IRAK2: variants seen among roughly 807,000 people sequenced by gnomAD.
IRAK2 encodes interleukin-1 receptor-associated kinase-like 2.
IRAK2 carries 57 observed loss-of-function variants against 72.0 expected under a neutral mutation model. The observed-to-expected ratio is 0.79, with a 90% CI of 0.64 to 0.99. The LOEUF (loss-of-function observed/expected upper bound fraction) is 0.99, where lower values mean the gene tolerates loss of function less well. Ranked by LOEUF, IRAK2 falls within the 50% of genes least tolerant of loss-of-function variation. The pLI, the probability that IRAK2 is intolerant of heterozygous loss-of-function variation, is 0.00. For synonymous variants in IRAK2, 293 were observed against 312.7 expected (o/e 0.94, Z 0.67); for missense variants, 790 against 794.4 (o/e 0.99, Z 0.07).
At chr3:10,211,200 C>A (rs1346545916) in intron 4 of IRAK2, among the ~76,000 whole-genome samples, 1 of 151,348 alleles carries the variant, frequency 6.6e-6, no homozygotes, top group Non-Finnish European at 1.5e-5. Context: ...CTCTGTTGCC[C>A]AGGCTGTCTC....
In IRAK2 at chr3:10,221,522, G is replaced by A. The variant is rs542394938; in HGVS notation, c.1014-1114G>A. Among the ~76,000 whole-genome samples, 28 of 151,300 alleles carry A rather than the reference G, an allele frequency of 1.9e-4. No individual in the cohort carries two copies. In the South Asian group the frequency reaches 4.6e-3, roughly 25 times the overall value. ...CCCACCTTGGCCTCCCAAAGTGCTG[G>A]GATTACAGGTGTGAGCCACCGCGCC... is the stretch of plus-strand genomic sequence containing the variant. On this transcript the variant is annotated intron_variant, in intron 8 of 12. Transcript: ENST00000256458.
intron 2 of IRAK2, among the ~76,000 whole-genome samples, chr3:10,185,948 G>A (rs1207904569): frequency 6.6e-6 from 1 of 151,524 alleles, no homozygotes; most frequent in Non-Finnish European, 1.5e-5. Flanking sequence ...CAGCTACTCG[G>A]GAGGCTGAGG....
chr3:10,205,614 C>G lies in IRAK2; in HGVS notation c.425-3975C>G, dbSNP rs548517893. Among the ~76,000 whole-genome samples, 27 of 152,312 alleles carry G rather than the reference C, an allele frequency of 1.8e-4. No individual in the cohort carries two copies. In the South Asian group the frequency reaches 4.3e-3, roughly 25 times the overall value. ...CCTGCCCTGTGGCCAGGCCTGGCAG[C>G]AGGATGGAACTCAAGTTAGTCTGGA... On this transcript the variant is annotated intron_variant, in intron 3 of 12. Coordinates refer to ENST00000256458, the MANE Select transcript of IRAK2 (RefSeq NM_001570.4).
At chr3:10,219,942 TTC>T (rs1367720891) in intron 8 of IRAK2, among the ~76,000 whole-genome samples, 153 bp downstream of exon 8, 1 of 152,192 alleles carries the variant, frequency 6.6e-6, no homozygotes, top group Non-Finnish European at 1.5e-5. Flanking sequence ...GGATGTCTTT[TTC>T]TCTGTTATGC....
At chr3:10,221,434 T>C (rs1697690705) in intron 8 of IRAK2, among the ~76,000 whole-genome samples, 1 of 150,690 alleles carries the variant, frequency 6.6e-6, no homozygotes, top group African/African-American at 2.4e-5. Context: ...TTTGTATTTT[T>C]AGTAGAGATA....
chr3:10,177,822 T>C lies in IRAK2; in HGVS notation c.95-16T>C. ...GCCTCTCTGACTCTAAGCAGAGTTC[T>C]CTCCGTCCCTTCCAGCCTCCTACGT... On this transcript the variant is annotated splice_polypyrimidine_tract_variant and intron_variant, in intron 1 of 12. Transcript: ENST00000256458. 6.2e-7 allele frequency: 1 copy of C among 1,609,408 alleles called. No individual in the cohort carries two copies. The highest frequency in any genetic ancestry group is 8.5e-7 in the Non-Finnish European group (1 of 1,179,572).
chr3:10,230,492 ACAGGTTT>A, intron 10 of IRAK2, among the ~76,000 whole-genome samples: 1 of 152,068 alleles, frequency 6.6e-6, no homozygotes, highest in Non-Finnish European at 1.5e-5. Flanking sequence ...CTGGCATCTG[ACAGGTTT>A]ATTGAAGGTT....
At chr3:10,209,547 C>A in intron 3 of IRAK2, 42 bp from the exon 4 acceptor site, 15 of 1,325,334 alleles carry the variant, frequency 1.1e-5, no homozygotes, top group Non-Finnish European at 1.6e-5. Context: ...TCCTGTCTTC[C>A]TCCCCGAGGC....
chr3:10,175,421 C>T (rs1341825215), intron 1 of IRAK2, among the ~76,000 whole-genome samples: 6 of 152,094 alleles, frequency 3.9e-5, no homozygotes, highest in Admixed American at 2.0e-4. Flanking sequence ...GCCACTGTGC[C>T]CAGTCCCTGT....
At chr3:10,221,455 G>A (rs912767536) in intron 8 of IRAK2, among the ~76,000 whole-genome samples, 1 of 150,948 alleles carries the variant, frequency 6.6e-6, no homozygotes, top group African/African-American at 2.4e-5. Context: ...GGGTTTCACT[G>A]TGTTAGCCAT....
chr3:10,211,442 C>CTT (rs1697519862), intron 4 of IRAK2, among the ~76,000 whole-genome samples: 2 of 5,584 alleles, frequency 3.6e-4, no homozygotes, highest in African/African-American at 1.7e-3. Context: ...CTGTGCCTGG[C>CTT]CTCGCCAAAA....
chr3:10,216,133 G>A (rs773192586), intron 6 of IRAK2, among the ~76,000 whole-genome samples: 1 of 152,354 alleles, frequency 6.6e-6, no homozygotes, highest in Non-Finnish European at 1.5e-5. Flanking sequence ...AGTGACCCAA[G>A]GCAGAGGAGA....
rs781386898 is a variant in IRAK2 at position 10,222,659 on chromosome 3, A to G, written c.1037A>G (p.Asn346Ser). The G allele has an allele frequency of 2.5e-6, 4 of 1,614,050 alleles. No individual in the cohort carries two copies. In the Admixed American group the frequency reaches 5.0e-5, roughly 20 times the overall value. ...AGCTCTAATGTCTTGCTGGACCAAAATCTCACCCCCAAACTTGCTCACCCA... is the reference window on the plus strand; with the variant it reads ...AGCTCTAATGTCTTGCTGGACCAAAGTCTCACCCCCAAACTTGCTCACCCA... ...VKSSNVLLDQ[N>S]LTPKLAHPMA... The change falls in exon 9 of 13, where the codon AAT becomes AGT. Residue 346 changes from asparagine (N) to serine (S), a missense_variant. By Grantham distance (46) the Asn-to-Ser change is conservative. Coordinates refer to ENST00000256458, the MANE Select transcript of IRAK2 (RefSeq NM_001570.4).
chr3:10,240,622 T>C (rs1179605340), intron 12 of IRAK2, among the ~76,000 whole-genome samples: 1 of 134,030 alleles, frequency 7.5e-6, no homozygotes, highest in Non-Finnish European at 1.6e-5. Context: ...TATAATGGTG[T>C]GATCTTGGCT....
At chr3:10,230,647 G>A (rs1044457151) in intron 10 of IRAK2, among the ~76,000 whole-genome samples, 1 of 152,178 alleles carries the variant, frequency 6.6e-6, no homozygotes, top group Non-Finnish European at 1.5e-5. Flanking sequence ...ATGGCTCACT[G>A]TAACCTTGTA....
At chr3:10,183,672 G>T (rs1422694150) in intron 2 of IRAK2, among the ~76,000 whole-genome samples, 1 of 152,186 alleles carries the variant, frequency 6.6e-6, no homozygotes, top group Non-Finnish European at 1.5e-5. Flanking sequence ...AGTGAGCCAA[G>T]ATGGCACCAC....
intron 6 of IRAK2, among the ~76,000 whole-genome samples, chr3:10,214,117 C>T (rs145008803): frequency 5.9e-5 from 9 of 151,842 alleles, no homozygotes; most frequent in East Asian, 1.9e-4. Flanking sequence ...TTAGTAGAGA[C>T]GGGGTTTTGA....
intron 7 of IRAK2, among the ~76,000 whole-genome samples, chr3:10,218,615 A>G (rs13319974): frequency 1.7e-3 from 260 of 152,220 alleles, no homozygotes; most frequent in African/African-American, 6.0e-3. Context: ...CAAGCTCCCT[A>G]GCTCCTCTCC....
intron 10 of IRAK2, among the ~76,000 whole-genome samples, chr3:10,233,405 A>G (rs982248546): frequency 6.6e-6 from 1 of 152,140 alleles, no homozygotes; most frequent in African/African-American, 2.4e-5. Context: ...ATATATGCTA[A>G]TCATATATAC....
Sources: allele counts gnomAD v4.1 joint callset (sites outside exome capture counted in the v4.1 genomes callset), GRCh38; gene constraint gnomAD v4.1.1; transcripts MANE v1.5; gene names NCBI Gene and HGNC (gene_info 2026-07-23, HGNC 2026-07-21).